XDH: variants seen among roughly 807,000 people sequenced by gnomAD.
XDH encodes xanthine dehydrogenase/oxidase.
A neutral mutation model predicts 156.1 loss-of-function variants in XDH; 138 were observed. The ratio of observed to expected loss-of-function variants is 0.88; its 90% CI spans 0.77 to 1.02. The LOEUF is 1.02. XDH is among the 50% of genes least tolerant of loss of function. The probability of loss-of-function intolerance (pLI) is 0.00; values close to 1 mark genes in which losing one functional copy is unlikely to be tolerated. For missense variants in XDH, 1,849 were observed against 1,684.9 expected, an observed-to-expected ratio of 1.10 and a Z score of -1.71; for synonymous variants, 669 against 625.7, an observed-to-expected ratio of 1.07 and a Z score of -1.03.
At chr2:31,368,843 AAACAC>A (rs1161076508) in intron 18 of XDH, among the ~76,000 whole-genome samples, 183 bp from the exon 19 acceptor site, 1 of 152,214 alleles carries the variant, frequency 6.6e-6, no homozygotes, top group Non-Finnish European at 1.5e-5. Flanking sequence ...TCAAGATGGC[AAACAC>A]ATTTCATCTC....
At chr2:31,346,462 G>A (rs1469572992) in intron 30 of XDH, among the ~76,000 whole-genome samples, 1 of 152,120 alleles carries the variant, frequency 6.6e-6, no homozygotes, top group Non-Finnish European at 1.5e-5. Flanking sequence ...AATCCGATGA[G>A]GCATGTTCAG....
At chr2:31,363,923 C>T (rs1254297811) in intron 24 of XDH, among the ~76,000 whole-genome samples, 2 of 152,178 alleles carry the variant, frequency 1.3e-5, no homozygotes, top group Non-Finnish European at 2.9e-5. Flanking sequence ...TTGTAACTAA[C>T]TTGCTAGCTT....
chr2:31,336,146 ATGCC>A, intron 35 of XDH, 138 bp from the exon 36 acceptor site: 1 of 934,804 alleles, frequency 1.1e-6, no homozygotes. Flanking sequence ...GCTGTTGAGA[ATGCC>A]TCAGGGCAGG....
chr2:31,401,607 G>A (rs1248594556), intron 3 of XDH, among the ~76,000 whole-genome samples: 1 of 152,172 alleles, frequency 6.6e-6, no homozygotes, highest in Non-Finnish European at 1.5e-5. Context: ...ACGGAGCCAG[G>A]GTCACTTTCA....
At chr2:31,386,596 C>T in intron 8 of XDH, 41 bp from the exon 9 acceptor site, 1 of 1,613,534 alleles carries the variant, frequency 6.2e-7, no homozygotes, top group Non-Finnish European at 8.5e-7. Flanking sequence ...CTCCCTCTTC[C>T]TACTGTCATT....
intron 11 of XDH, 130 bp from the exon 12 acceptor site, chr2:31,381,856 G>T: frequency 1.3e-6 from 1 of 795,510 alleles, no homozygotes; most frequent in Non-Finnish European, 2.2e-6. Flanking sequence ...GCCTACTGTA[G>T]TCACAATACC....
chr2:31,347,399 C>A, intron 29 of XDH, 123 bp downstream of exon 29: 1 of 1,442,424 alleles, frequency 6.9e-7, no homozygotes, highest in Non-Finnish European at 9.5e-7. Context: ...GATAAGGGAG[C>A]CAGAGGCCTG....
At chr2:31,380,031 C>G in intron 12 of XDH, 55 bp from the exon 13 acceptor site, 4 of 1,546,346 alleles carry the variant, frequency 2.6e-6, no homozygotes, top group Non-Finnish European at 3.6e-6. Flanking sequence ...TGGGAACCCC[C>G]CATGGGGAGA....
chr2:31,402,537 T>G (rs1164636299), intron 3 of XDH, among the ~76,000 whole-genome samples: 1 of 152,134 alleles, frequency 6.6e-6, no homozygotes, highest in Non-Finnish European at 1.5e-5. Context: ...GAGGGGGTGA[T>G]ATTTTTGCCC....
intron 18 of XDH, 23 bp downstream of exon 18, chr2:31,370,332 A>G: frequency 6.2e-7 from 1 of 1,613,528 alleles, no homozygotes; most frequent in Non-Finnish European, 8.5e-7. Flanking sequence ...AATTTACTTC[A>G]TATAAAAAAA....
Position 31,411,820 on chromosome 2 carries a change from C to A in XDH, c.42+2805G>T, listed in dbSNP as rs545126043. ...GTCTAATTATAATCCATCTCTCTAA[C>A]TAGTATATGGGCTCCAGAATGGCAA... On this transcript the variant is annotated intron_variant, in intron 1 of 35. Coordinates refer to ENST00000379416, the MANE Select transcript of XDH (RefSeq NM_000379.4). Among the ~76,000 whole-genome samples the A allele has an allele frequency of 1.3e-4, 20 of 152,348 alleles. No individual in the cohort carries two copies. The South Asian group carries it at 3.9e-3, about 30-fold the overall frequency.
At chr2:31,363,497 AT>A in intron 24 of XDH, among the ~76,000 whole-genome samples, 1 of 152,346 alleles carries the variant, frequency 6.6e-6, no homozygotes, top group East Asian at 1.9e-4. Context: ...GATGCAAGAC[AT>A]CATTCTGGGG....
chr2:31,347,500 C>A (rs747587917), intron 29 of XDH, 22 bp downstream of exon 29: 1 of 1,612,894 alleles, frequency 6.2e-7, no homozygotes, highest in Non-Finnish European at 8.5e-7. Context: ...CTCTGCTCTG[C>A]GGGATCCCAT....
intron 21 of XDH, 93 bp downstream of exon 21, chr2:31,366,777 C>G: frequency 6.2e-7 from 1 of 1,601,404 alleles, no homozygotes; most frequent in Non-Finnish European, 8.5e-7. Flanking sequence ...CAGCCCACAT[C>G]TCCCTCTTCC....
At chr2:31,401,671 G>A (rs767818041) in intron 3 of XDH, among the ~76,000 whole-genome samples, 44 of 152,320 alleles carry the variant, frequency 2.9e-4, no homozygotes, top group Admixed American at 7.8e-4. Flanking sequence ...AAATTTCTCT[G>A]GCAGGCTGCA....
At position 31,346,859 on chromosome 2, in the gene XDH, C is replaced by T; in HGVS notation, c.3277-16G>A. The T allele has an allele frequency of 1.9e-6, 3 of 1,613,876 alleles. No individual in the cohort carries two copies. The highest frequency in any genetic ancestry group is 2.5e-6 in the Non-Finnish European group (3 of 1,180,012). ...GACAAGCCGCCTAAAGTAAACACCC[C>T]CCACACCCCAGACACATCAGTCCTC... On this transcript the variant is annotated splice_polypyrimidine_tract_variant and intron_variant, in intron 29 of 35. Transcript: ENST00000379416.
intron 32 of XDH, among the ~76,000 whole-genome samples, 165 bp downstream of exon 32, chr2:31,342,018 G>A (rs1685136211): frequency 6.6e-6 from 1 of 152,182 alleles, no homozygotes; most frequent in African/African-American, 2.4e-5. Flanking sequence ...GGCCCACGAA[G>A]TCTAAAACAC....
chr2:31,413,955 TC>T (rs1687409954), intron 1 of XDH, among the ~76,000 whole-genome samples: 1 of 152,082 alleles, frequency 6.6e-6, no homozygotes, highest in African/African-American at 2.4e-5. Context: ...CTTCCCTAAG[TC>T]CCTGTGTACC....
chr2:31,343,314 A>ATATATATATGCATGTT (rs1685183134), intron 31 of XDH, among the ~76,000 whole-genome samples: 1 of 129,786 alleles, frequency 7.7e-6, no homozygotes, highest in Non-Finnish European at 1.7e-5. Flanking sequence ...ATATATATAT[A>ATATATATATGCATGTT]TATATATATA....
Sources: allele counts gnomAD v4.1 joint callset (sites outside exome capture counted in the v4.1 genomes callset), GRCh38; gene constraint gnomAD v4.1.1; transcripts MANE v1.5; gene names NCBI Gene and HGNC (gene_info 2026-07-23, HGNC 2026-07-21).